Variants in POU2F2 observed in about 807,000 individuals in gnomAD.
The protein encoded by POU2F2 is POU domain, class 2, transcription factor 2.
A neutral mutation model predicts 63.5 loss-of-function variants in POU2F2; 14 were observed. The observed-to-expected ratio is 0.22, with a 90% CI of 0.15 to 0.34. The LOEUF (loss-of-function observed/expected upper bound fraction) is 0.34, where lower values mean the gene tolerates loss of function less well. Ranked by LOEUF, POU2F2 falls within the 10% of genes least tolerant of loss-of-function variation. The pLI, the probability that POU2F2 is intolerant of heterozygous loss-of-function variation, is 1.00. For missense variants in POU2F2, 607 were observed against 815.2 expected (o/e 0.74, Z 3.11); for synonymous variants, 306 against 348.6 (o/e 0.88, Z 1.36).
At chr19:42,144,617 C>T (rs1009969247) in intron 2 of POU2F2, among the ~76,000 whole-genome samples, 13 of 152,252 alleles carry the variant, frequency 8.5e-5, no homozygotes, top group African/African-American at 3.1e-4. Context: ...GCCCCTAGAC[C>T]ATCCCACTAT....
chr19:42,166,021 G>C (rs549823168), intron 1 of POU2F2, among the ~76,000 whole-genome samples: 2 of 152,358 alleles, frequency 1.3e-5, no homozygotes, highest in African/African-American at 4.8e-5. Flanking sequence ...CTGCAATCCA[G>C]ATATGAACAA....
rs140379196 is a variant in POU2F2, at chr19:42,153,604, G to A, written c.-9+6728C>T. 6.6e-6 allele frequency among the ~76,000 whole-genome samples: 1 copy of A among 152,152 alleles called. No homozygotes were observed. The highest frequency in any genetic ancestry group is 1.9e-4 in the East Asian group (1 of 5,162). On this transcript the variant is annotated intron_variant, in intron 2 of 6. Coordinates refer to the POU2F2 transcript ENST00000524801. This position sits in a 1 kb window ranked among gnomAD's most constrained non-coding sequence, Gnocchi z 5.6. The stretch of plus-strand genomic sequence containing the variant: ...CAGGGATCTGCGCGGTGGTCTCTAT[G>A]TGTACTGGAAGCAGGTTCTCCTCAT...
At chr19:42,171,629 C>T (rs960301322) in intron 1 of POU2F2, among the ~76,000 whole-genome samples, 3 of 152,144 alleles carry the variant, frequency 2.0e-5, no homozygotes, top group Non-Finnish European at 4.4e-5. Context: ...GACTCCGTTG[C>T]TTGTGTTTGT....
In POU2F2 at chr19:42,162,057, A is replaced by T. The variant is rs1437974942; in HGVS notation, c.-69-1665T>A. Among the ~76,000 whole-genome samples, 1 of 152,156 alleles carries T rather than the reference A, an allele frequency of 6.6e-6. No individual in the cohort carries two copies. Among genetic ancestry groups the T allele is most frequent in the African/African-American group, 2.4e-5 (1 of 41,438 alleles). On this transcript the variant is annotated intron_variant, in intron 1 of 6. Coordinates refer to the POU2F2 transcript ENST00000524801. This position sits in a 1 kb window ranked among gnomAD's most constrained non-coding sequence, Gnocchi z 4.1. ...CGGCATTAACCGTCAATATTGGTGT[A>T]AGTGATGGGGTGGGCGAGGGAATCC...
intron 4 of POU2F2, among the ~76,000 whole-genome samples, chr19:42,118,080 C>T (rs1450850666): frequency 1.3e-5 from 2 of 152,148 alleles, no homozygotes; most frequent in African/African-American, 4.8e-5. Context: ...GCCCACCACA[C>T]ACCTGGCTAA....
At chr19:42,132,508 A>C, upstream of POU2F2, 1 of 1,215,608 alleles carries the variant, frequency 8.2e-7, no homozygotes. Context: ...CAGGGAGGAA[A>C]CCACAGGGCC....
intron 1 of POU2F2, among the ~76,000 whole-genome samples, chr19:42,193,217 CAAAAAAAAAAAAAAAA>C (rs1046136227): frequency 8.2e-4 from 54 of 65,988 alleles, no homozygotes; most frequent in African/African-American, 3.3e-3. Context: ...GACTCCGTCT[CAAAAAAAAAAAAAAAA>C]AAAGAGGAAA....
At chr19:42,143,540 G>A (rs1277527000) in intron 2 of POU2F2, among the ~76,000 whole-genome samples, 1 of 152,072 alleles carries the variant, frequency 6.6e-6, no homozygotes, top group Non-Finnish European at 1.5e-5. Flanking sequence ...GCTCAGGAGG[G>A]CCAAGGCCGC....
intron 1 of POU2F2, among the ~76,000 whole-genome samples, chr19:42,185,131 T>A (rs1317910515): frequency 6.6e-6 from 1 of 152,188 alleles, no homozygotes; most frequent in Non-Finnish European, 1.5e-5. Context: ...ATTAAAATTT[T>A]AAACCATATG....
At chr19:42,099,483 C>A (rs764042185) in intron 7 of POU2F2, 44 bp downstream of exon 7, 5 of 1,521,814 alleles carry the variant, frequency 3.3e-6, no homozygotes, top group Non-Finnish European at 4.6e-6. Flanking sequence ...TTTCAGCAGG[C>A]CTTGCTGCTG....
At chr19:42,184,145 C>T (rs2034990757) in intron 1 of POU2F2, among the ~76,000 whole-genome samples, 1 of 152,020 alleles carries the variant, frequency 6.6e-6, no homozygotes, top group Non-Finnish European at 1.5e-5. Flanking sequence ...CGTGCACCAC[C>T]ACAACCTGCT....
At chr19:42,161,313 T>G (rs1337121448) in intron 1 of POU2F2, among the ~76,000 whole-genome samples, 2 of 152,102 alleles carry the variant, frequency 1.3e-5, no homozygotes, top group East Asian at 3.9e-4. Flanking sequence ...GGCTGCTCCC[T>G]GCAGGGCGTC....
intron 4 of POU2F2, among the ~76,000 whole-genome samples, chr19:42,120,694 T>C (rs985617619): frequency 6.6e-6 from 1 of 152,192 alleles, no homozygotes; most frequent in African/African-American, 2.4e-5. Context: ...TAAAAAACAT[T>C]TATTTAAAAA....
At chr19:42,150,543 C>T (rs1169226775) in intron 2 of POU2F2, among the ~76,000 whole-genome samples, 1 of 142,640 alleles carries the variant, frequency 7.0e-6, no homozygotes, top group African/African-American at 2.6e-5. Flanking sequence ...CTGGATCGAT[C>T]GGGGCTGGAG....
At chr19:42,102,805 C>A (rs962651773) in intron 5 of POU2F2, among the ~76,000 whole-genome samples, 1 of 152,058 alleles carries the variant, frequency 6.6e-6, no homozygotes, top group Non-Finnish European at 1.5e-5. Context: ...ATGTGGGGTT[C>A]ATGACATAAT....
Position 42,090,576 on chromosome 19 carries a change from C to A in POU2F2, c.*681G>T. On this transcript the variant is annotated 3_prime_UTR_variant, in exon 15 of 15. Coordinates refer to ENST00000692977, the MANE Select transcript of POU2F2 (RefSeq NM_001394376.1). This position sits in a 1 kb window ranked among gnomAD's most constrained non-coding sequence, Gnocchi z 4.4. ...CATGGTAGGGACACATTCTGTTGAG[C>A]ACAATGCTAAAAATTCTGTACATCC... is the stretch of plus-strand genomic sequence containing the variant. The A allele has an allele frequency of 6.5e-6, 1 of 152,834 alleles. No homozygotes were observed. 9.5% of individuals were successfully genotyped at this position (152,834 alleles called of 1,614,324 possible). A position where few individuals can be genotyped will look rare whatever the true frequency, so the allele number is the denominator to read the frequency against.
chr19:42,094,936 G>A (rs530376704), intron 11 of POU2F2, among the ~76,000 whole-genome samples: 3 of 152,246 alleles, frequency 2.0e-5, no homozygotes, highest in Admixed American at 1.3e-4. Flanking sequence ...CAATTTCCCC[G>A]AACGGCAAAT....
chr19:42,091,809 C>A, intron 14 of POU2F2, 58 bp downstream of exon 14: 3 of 1,542,260 alleles, frequency 1.9e-6, no homozygotes, highest in East Asian at 2.4e-5. Context: ...AATGGCAGGG[C>A]TCGAGGCCCC....
At chr19:42,103,385 G>C (rs139532936) in intron 5 of POU2F2, among the ~76,000 whole-genome samples, 38 of 152,300 alleles carry the variant, frequency 2.5e-4, no homozygotes, top group Admixed American at 9.2e-4. Context: ...GCACCCAGTA[G>C]GTGTTCCACA....
Sources: gnomAD v4.1 joint callset for allele counts (sites outside exome capture counted in the v4.1 genomes callset) on GRCh38, gnomAD v4.1.1 for gene constraint, Gnocchi (gnomAD v3.1) non-coding constraint, MANE v1.5 for transcripts, NCBI Gene and HGNC (gene_info 2026-07-23, HGNC 2026-07-21) for gene names.